HPS1: variants seen among roughly 807,000 people sequenced by gnomAD.
The protein encoded by HPS1 is HPS1 biogenesis of lysosomal organelles complex 3 subunit 1, also known as BLOC-3 complex member HPS1.
A neutral mutation model predicts 90.6 loss-of-function variants in HPS1; 59 were observed. The ratio of observed to expected loss-of-function variants is 0.65; its 90% CI spans 0.53 to 0.81. The LOEUF is 0.81. HPS1 is among the 30% of genes least tolerant of loss of function. The probability of loss-of-function intolerance (pLI) is 0.00; values close to 1 mark genes in which losing one functional copy is unlikely to be tolerated. For missense variants in HPS1, 849 were observed against 896.7 expected (o/e 0.95, Z 0.68); for synonymous variants, 388 against 384.4 (o/e 1.01, Z -0.11).
rs1846911532 is a variant in HPS1, at chr10:98,433,983, C to T, written c.507G>A (p.Glu169=). The change falls in exon 6 of 20, where the codon GAG becomes GAA. Residue 169 remains glutamate, a splice_region_variant and synonymous_variant. Transcript: ENST00000361490. ...GAGGACTCCCGCGCCCAGTAGTCAC[C>T]TCCACGGCGAAGCACTGCTCCTGCT... ...LREQEQCFAV[E]ALERLIHPQL... The T allele has an allele frequency of 6.4e-7, 1 of 1,556,606 alleles. No individual in the cohort carries two copies. Among genetic ancestry groups the T allele is most frequent in the African/African-American group, 1.4e-5 (1 of 73,432 alleles).
intron 3 of HPS1, among the ~76,000 whole-genome samples, chr10:98,436,261 ATAGT>A (rs375270970): frequency 7.2e-5 from 11 of 152,346 alleles, no homozygotes; most frequent in African/African-American, 2.6e-4. Flanking sequence ...TATCAGGGAA[ATAGT>A]TAAATAAATA....
chr10:98,418,350 A>G (rs1355635378), intron 18 of HPS1, 93 bp from the exon 19 acceptor site: 3 of 641,762 alleles, frequency 4.7e-6, no homozygotes, highest in Non-Finnish European at 8.3e-6. Flanking sequence ...TGGCTCTGTC[A>G]TGTGCGCTGG....
At position 98,425,595 on chromosome 10, in the gene HPS1, G is replaced by A; in HGVS notation, c.1281C>T (p.Asp427=). 6.2e-7 allele frequency: 1 copy of A among 1,613,884 alleles called. No individual in the cohort carries two copies. Among genetic ancestry groups the A allele is most frequent in the Non-Finnish European group, 8.5e-7 (1 of 1,179,952 alleles). ...CAAACTTGTCCATCCTCTGGCGCAG[G>A]TCTCCCACGAGGGGCTGGGAGCGCA... ...ASLRSQPLVG[D]LRQRMDKFVK... is the part of the protein sequence containing the mutation. The change falls in exon 13 of 20, where the codon GAC becomes GAT. Residue 427 remains aspartate (D), a synonymous_variant. Coordinates refer to ENST00000361490, the MANE Select transcript of HPS1 (RefSeq NM_000195.5).
In HPS1 at chr10:98,417,743, G is replaced by A; in HGVS notation, c.1941-17C>T. 1 of 1,613,108 alleles carries A rather than the reference G, an allele frequency of 6.2e-7. No homozygotes were observed. ...AGGAGCTTCCTGGGGAGGAAGGGGA[G>A]GATGGGATTCAGGAGTGAGGCTGTG... On this transcript the variant is annotated splice_polypyrimidine_tract_variant and intron_variant, in intron 19 of 19. Transcript: ENST00000361490. The surrounding 1 kb of genome is among the most constrained non-coding windows in gnomAD (Gnocchi z 4.2).
chr10:98,421,990 ACACAC>A (rs1844928058), intron 17 of HPS1, among the ~76,000 whole-genome samples: 4 of 149,614 alleles, frequency 2.7e-5, no homozygotes, highest in Non-Finnish European at 6.0e-5. Context: ...ACACACACAC[ACACAC>A]ACACACACAC....
chr10:98,427,096 G>T (rs534730111), intron 11 of HPS1, 119 bp downstream of exon 11: 24 of 794,710 alleles, frequency 3.0e-5, no homozygotes, highest in Non-Finnish European at 5.0e-5. Flanking sequence ...GCCCTGGGGT[G>T]GGCAGGAGGA....
intron 8 of HPS1, 88 bp downstream of exon 8, chr10:98,430,483 C>T (rs1246697781): frequency 1.0e-6 from 1 of 995,374 alleles, no homozygotes; most frequent in Non-Finnish European, 1.6e-6. Context: ...CATGGAGTCC[C>T]CAGGGGGAGC....
rs1846923014 is a variant in HPS1 at position 98,434,015 on chromosome 10, G to A, written c.475C>T (p.Leu159=). The change falls in exon 6 of 20, where the codon CTG becomes TTG. Residue 159 remains leucine (L), a synonymous_variant. Transcript: ENST00000361490. ...FQSLLWTYSR[L]REQEQCFAVE... ...GCGAAGCACTGCTCCTGCTCCCGCA[G>A]GCGGCTGTAGGTCCACAGCAGGCTC... The A allele has an allele frequency of 2.6e-6, 4 of 1,558,630 alleles. No homozygotes were observed. The highest frequency in any genetic ancestry group is 3.5e-6 in the Non-Finnish European group (4 of 1,151,048).
At chr10:98,446,062 C>T (rs977963093) in intron 1 of HPS1, among the ~76,000 whole-genome samples, 1 of 152,180 alleles carries the variant, frequency 6.6e-6, no homozygotes, top group African/African-American at 2.4e-5. Flanking sequence ...CAGGATTAAT[C>T]AATCTGGTTC....
chr10:98,423,564 AG>A (rs1845183794), intron 16 of HPS1, 38 bp downstream of exon 16: 1 of 1,594,938 alleles, frequency 6.3e-7, no homozygotes, highest in African/African-American at 1.3e-5. Flanking sequence ...CAGATCCAAG[AG>A]GCTTGTTGGG....
chr10:98,423,937 C>G, intron 14 of HPS1, 50 bp from the exon 15 acceptor site: 1 of 1,606,746 alleles, frequency 6.2e-7, no homozygotes, highest in Non-Finnish European at 8.5e-7. Context: ...TAGGGGAGCC[C>G]CTCGCCCTGT....
intron 10 of HPS1, chr10:98,429,200 G>C (rs1322910920): frequency 9.6e-7 from 1 of 1,037,902 alleles, no homozygotes; most frequent in Non-Finnish European, 1.2e-6. Flanking sequence ...GAGAAACAAA[G>C]TATAAACTAC....
intron 16 of HPS1, among the ~76,000 whole-genome samples, chr10:98,423,279 A>ACC (rs10636671): frequency 0.05 from 6,630 of 131,590 alleles, 482 homozygotes; most frequent in African/African-American, 0.18. Context: ...GACCACAGGA[A>ACC]CCCCCCCCCC....
chr10:98,414,554 G>C (rs1003239853), downstream of HPS1, among the ~76,000 whole-genome samples: 8 of 152,212 alleles, frequency 5.3e-5, no homozygotes, highest in African/African-American at 1.9e-4. Context: ...CTTGTGACGA[G>C]GGGTGGCCTC....
Position 98,420,152 on chromosome 10 carries a change from A to G in HPS1, c.1750T>C (p.Ser584Pro). The G allele has an allele frequency of 6.2e-7, 1 of 1,611,802 alleles. No individual in the cohort carries two copies. Among genetic ancestry groups the G allele is most frequent in the Non-Finnish European group, 8.5e-7 (1 of 1,177,950 alleles). The change falls in exon 18 of 20, where the codon TCT (serine) becomes CCT (proline). Residue 584 changes from serine (S) to proline (P), a missense_variant. Transcript: ENST00000361490. ...TATCTGCGCGCCAGCTGGATCAGAG[A>G]CCAGACCTGGGGAAAAGACAGCAAG... ...LAAFVKTKVW[S>P]LIQLARRYLQ...
chr10:98,415,255 C>T, downstream of HPS1: 1 of 1,309,104 alleles, frequency 7.6e-7, no homozygotes, highest in Non-Finnish European at 1.0e-6. Flanking sequence ...AGTCCCCCTC[C>T]AGGCCCCCTC....
Position 98,445,385 on chromosome 10 carries a change from G to T in HPS1, c.-86C>A. On this transcript the variant is annotated 5_prime_UTR_variant, in exon 2 of 20. It introduces an in-frame stop codon into an upstream open reading frame of the 5' UTR. Transcript: ENST00000361490. This position sits in a 1 kb window ranked among gnomAD's most constrained non-coding sequence, Gnocchi z 4.5. ...GACTCGGTGACTGGCTCATGGGAGA[G>T]CAGCACAGCATCCCTGGTCCTGCAA... The T allele has an allele frequency of 6.5e-6, 1 of 152,920 alleles. No individual in the cohort carries two copies. The highest frequency in any genetic ancestry group is 1.5e-5 in the Non-Finnish European group (1 of 68,368). The allele number at this position is 152,920 out of a possible 1,614,324, so 9.5% of individuals were successfully genotyped here.
Position 98,423,285 on chromosome 10 carries a change from C to G in HPS1, c.1598+318G>C, listed in dbSNP as rs540802307. ...ACCAAACTAGACCACAGGAACCCCC[C>G]CCCCGGTCCCCACCCCTCGTGGAAT... is the stretch of plus-strand genomic sequence containing the variant. On this transcript the variant is annotated intron_variant, in intron 16 of 19. Coordinates refer to ENST00000361490, the MANE Select transcript of HPS1 (RefSeq NM_000195.5). 1.7e-4 allele frequency among the ~76,000 whole-genome samples: 25 copies of G among 150,326 alleles called. No individual in the cohort carries two copies. In the Middle Eastern group the frequency reaches 0.01, roughly 63 times the overall value.
In HPS1 at chr10:98,417,615, G is replaced by T. The variant is rs576260502; in HGVS notation, c.2052C>A (p.Ala684=). 1.2e-6 allele frequency: 2 copies of T among 1,612,926 alleles called. No homozygotes were observed. Among genetic ancestry groups the T allele is most frequent in the Non-Finnish European group, 1.7e-6 (2 of 1,179,742 alleles). ...CCCAGAGGCGCCGGGCCAGCTGGCC[G>T]GCCTGCTGCACCAGCAGGTCAGTGG... ...VIPTDLLVQQ[A]GQLARRLWEA... Residue 684 remains alanine, a synonymous_variant, in exon 20 of 20, where the codon GCC becomes GCA. Transcript: ENST00000361490. The surrounding 1 kb of genome is among the most constrained non-coding windows in gnomAD (Gnocchi z 4.2).
Sources: allele counts gnomAD v4.1 joint callset (sites outside exome capture counted in the v4.1 genomes callset), GRCh38; gene constraint gnomAD v4.1.1; non-coding constraint Gnocchi (gnomAD v3.1); transcripts MANE v1.5; gene names NCBI Gene and HGNC (gene_info 2026-07-23, HGNC 2026-07-21).